The following TRPM5 variants were observed in gnomAD, a reference collection of about 807,000 sequenced individuals.
TRPM5 encodes the protein transient receptor potential cation channel subfamily M member 5, also known as MLSN1 and TRP-related.
Under a neutral mutation model 124.9 loss-of-function variants are expected in TRPM5, and 121 were observed. That is an observed-to-expected ratio of 0.97 (90% CI 0.84 to 1.13). TRPM5 has a LOEUF of 1.13. TRPM5 is among the 50% of genes most tolerant of loss of function. The probability of loss-of-function intolerance (pLI) is 0.00; values close to 1 mark genes in which losing one functional copy is unlikely to be tolerated. For missense variants in TRPM5, 1,643 were observed against 1,589.1 expected (o/e 1.03, Z -0.58); for synonymous variants, 781 against 700.5 (o/e 1.11, Z -1.81).
At position 2,419,244 on chromosome 11, in the gene TRPM5, C is replaced by T. The variant is rs920415469; in HGVS notation, c.650-653G>A. On this transcript the variant is annotated intron_variant, in intron 4 of 23. Coordinates refer to ENST00000155858, the Ensembl canonical transcript of TRPM5. ...ACGGTGCCCGGGCCAGCAGGGCTTC[C>T]GCAGAGCAGAGCCAGACCCTCCGCC... is the stretch of plus-strand genomic sequence containing the variant. 5.3e-5 allele frequency among the ~76,000 whole-genome samples: 8 copies of T among 152,202 alleles called. No individual in the cohort carries two copies. The South Asian group carries it at 6.2e-4, about 12-fold the overall frequency.
At chr11:2,414,009 G>GGGCGGCCCCCCCCCCCC in intron 12 of TRPM5, 52 bp downstream of exon 17, 3 of 1,023,730 alleles carry the variant, frequency 2.9e-6, no homozygotes, top group East Asian at 2.8e-5. Context: ...GGCCCAGCTC[G>GGGCGGCCCCCCCCCCCC]CCCGCCCACC....
the TRPM5 span, among the ~76,000 whole-genome samples, chr11:2,443,997 C>T: frequency 6.6e-6 from 1 of 152,194 alleles, no homozygotes. The surrounding 1 kb of genome is among the most constrained non-coding windows in gnomAD (Gnocchi z 5.0). Context: ...GCCCATTCTC[C>T]AAGTTACTAG....
intron 2 of TRPM5, 48 bp downstream of exon 7, chr11:2,422,093 G>A (rs1474794053): frequency 1.3e-6 from 2 of 1,528,890 alleles, no homozygotes; most frequent in African/African-American, 1.4e-5. Context: ...CAGGGGGTCG[G>A]GCTGCCCTGT....
At chr11:2,413,381 C>T in intron 13 of TRPM5, 95 bp downstream of exon 18, 2 of 1,339,860 alleles carry the variant, frequency 1.5e-6, no homozygotes, top group Non-Finnish European at 2.0e-6. Context: ...CAGAGTCAGG[C>T]TACCACCAGC....
chr11:2,412,052 C>T (rs1273274325), intron 16 of TRPM5, 83 bp downstream of exon 21: 17 of 1,245,096 alleles, frequency 1.4e-5, no homozygotes, highest in South Asian at 7.4e-5. Context: ...CAAGTGCCAC[C>T]GCCACACCCA....
exon 24 of TRPM5, chr11:2,404,975 C>G (rs774232447): frequency 3.7e-6 from 6 of 1,612,604 alleles, no homozygotes; most frequent in African/African-American, 2.7e-5. Flanking sequence ...CCGGGTTGTT[C>G]CCAGCCATCT....
At chr11:2,434,091 G>A in the TRPM5 span, among the ~76,000 whole-genome samples, 2 of 151,574 alleles carry the variant, frequency 1.3e-5, no homozygotes, top group Non-Finnish European at 2.9e-5. Flanking sequence ...GTGTGTGTCT[G>A]TGTGGATGCT....
the TRPM5 span, among the ~76,000 whole-genome samples, chr11:2,432,686 ACTT>A: frequency 5.8e-4 from 88 of 152,262 alleles, no homozygotes; most frequent in East Asian, 3.5e-3. Flanking sequence ...TTTGCAACCC[ACTT>A]CTTCTTTGTC....
the TRPM5 span, among the ~76,000 whole-genome samples, chr11:2,435,540 C>T: frequency 1.3e-5 from 2 of 151,946 alleles, no homozygotes; most frequent in South Asian, 2.1e-4. The surrounding 1 kb of genome is among the most constrained non-coding windows in gnomAD (Gnocchi z 4.1). Flanking sequence ...TCCATCCACC[C>T]GTCTGTCTGT....
the TRPM5 span, among the ~76,000 whole-genome samples, chr11:2,431,646 C>T: frequency 2.6e-5 from 4 of 152,242 alleles, no homozygotes; most frequent in South Asian, 6.2e-4. Context: ...GCCTTGGAAC[C>T]TTGGCTTCTG....
rs762710771 is a variant in TRPM5 at position 2,412,130 on chromosome 11, C to A, written c.2474+5G>T. 6 of 1,611,962 alleles carry A rather than the reference C, an allele frequency of 3.7e-6. No individual in the cohort carries two copies. In the South Asian group the frequency reaches 6.6e-5, roughly 18 times the overall value. ...GAGGCCACACGGCCTCTGGGCCCCACAGACCTGCAGGTGACACCCACGATG... is the reference window on the plus strand; with the variant it reads ...GAGGCCACACGGCCTCTGGGCCCCAAAGACCTGCAGGTGACACCCACGATG... On this transcript the variant is annotated splice_donor_5th_base_variant and intron_variant, in intron 16 of 23. Transcript: ENST00000155858.
the TRPM5 span, among the ~76,000 whole-genome samples, chr11:2,443,064 T>A: frequency 6.6e-6 from 1 of 152,234 alleles, no homozygotes; most frequent in Non-Finnish European, 1.5e-5. This position sits in a 1 kb window ranked among gnomAD's most constrained non-coding sequence, Gnocchi z 5.0. Flanking sequence ...TTTTATCTGT[T>A]GCTTTTGGAT....
chr11:2,414,656 G>A lies in TRPM5; in HGVS notation c.1744+59C>T, dbSNP rs1038278800. ...TGGCGAGGCCCAGGACCCTTCGTCC[G>A]ACCCCTCCGTCACATCCTCCCCCGC... On this transcript the variant is annotated intron_variant, in intron 11 of 23. Coordinates refer to ENST00000155858, the Ensembl canonical transcript of TRPM5. 6.4e-5 allele frequency: 94 copies of A among 1,477,724 alleles called. No individual in the cohort carries two copies. In the East Asian group the frequency reaches 1.3e-3, roughly 21 times the overall value. 91.5% of individuals were successfully genotyped at this position (1,477,724 alleles called of 1,614,324 possible).
upstream of TRPM5, among the ~76,000 whole-genome samples, chr11:2,426,262 G>T (rs1439371604): frequency 6.6e-6 from 1 of 152,134 alleles, no homozygotes; most frequent in Non-Finnish European, 1.5e-5. Context: ...CCTGGTGGCC[G>T]CAACCACCCC....
the TRPM5 span, among the ~76,000 whole-genome samples, chr11:2,443,947 C>T: frequency 6.6e-6 from 1 of 152,086 alleles, no homozygotes; most frequent in Admixed American, 6.5e-5. The surrounding 1 kb of genome is among the most constrained non-coding windows in gnomAD (Gnocchi z 5.0). Flanking sequence ...ATCCACGGGG[C>T]GCAGCGGCAG....
rs1010601560 is a variant in TRPM5, at chr11:2,415,842, AGGCAGCGTG to A, written c.1128+55_1128+63del. On this transcript the variant is annotated intron_variant, in intron 8 of 23. Coordinates refer to ENST00000155858, the Ensembl canonical transcript of TRPM5. Reference sequence around the variant, plus strand: ...CAAGCAGCCCACAGGGTGCAGGAGCAGGCAGCGTGGGCAGCTCGGGCAGTGCCATGATGG... The same window carrying A: ...CAAGCAGCCCACAGGGTGCAGGAGCAGGCAGCTCGGGCAGTGCCATGATGG... The A allele has an allele frequency of 7.4e-6, 9 of 1,211,762 alleles. No homozygotes were observed. The African/African-American group carries it at 1.3e-4, about 18-fold the overall frequency. The allele number at this position is 1,211,762 out of a possible 1,614,324, so 75.1% of individuals were successfully genotyped here.
At chr11:2,413,704 G>C in intron 12 of TRPM5, 116 bp from the exon 18 acceptor site, 1 of 973,412 alleles carries the variant, frequency 1.0e-6, no homozygotes, top group South Asian at 1.5e-5. Flanking sequence ...GGGGTGCCCA[G>C]CCCAGCCCTC....
At chr11:2,429,462 G>A in the TRPM5 span, among the ~76,000 whole-genome samples, 1 of 150,594 alleles carries the variant, frequency 6.6e-6, no homozygotes, top group Non-Finnish European at 1.5e-5. The surrounding 1 kb of genome is among the most constrained non-coding windows in gnomAD (Gnocchi z 8.4). Context: ...TGATGGTGGT[G>A]ATGGAGACGA....
intron 17 of TRPM5, 54 bp downstream of exon 22, chr11:2,411,581 A>G: frequency 6.2e-7 from 1 of 1,609,376 alleles, no homozygotes; most frequent in Non-Finnish European, 8.5e-7. Flanking sequence ...GGTGGGGCCC[A>G]GGCAGGGGAT....
Sources: gnomAD v4.1 joint callset for allele counts (sites outside exome capture counted in the v4.1 genomes callset) on GRCh38, gnomAD v4.1.1 for gene constraint, Gnocchi (gnomAD v3.1) non-coding constraint, MANE v1.5 for transcripts, NCBI Gene and HGNC (gene_info 2026-07-23, HGNC 2026-07-21) for gene names.